The following RAPGEF2 variants were observed in gnomAD, a reference collection of about 807,000 sequenced individuals.
The protein encoded by RAPGEF2 is Rap guanine nucleotide exchange factor 2.
RAPGEF2 carries 54 observed loss-of-function variants against 186.7 expected under a neutral mutation model. That is an observed-to-expected ratio of 0.29 (90% CI 0.23 to 0.36). The LOEUF (loss-of-function observed/expected upper bound fraction) is 0.36. Among genes scored for constraint, RAPGEF2 ranks in the 10% least tolerant of loss-of-function variants. The probability of loss-of-function intolerance (pLI) is 1.00; values close to 1 mark genes in which losing one functional copy is unlikely to be tolerated. For missense variants in RAPGEF2, 1,532 were observed against 2,045.0 expected (o/e 0.75, Z 4.84); for synonymous variants, 712 against 705.9 (o/e 1.01, Z -0.14).
At chr4:159,314,468 A>T in intron 8 of RAPGEF2, 123 bp from the exon 9 acceptor site, 1 of 870,824 alleles carries the variant, frequency 1.1e-6, no homozygotes, top group Non-Finnish European at 1.6e-6. Context: ...GTGCATACAT[A>T]GTTGTTGGAT....
chr4:159,287,926 T>C (rs1450316428), intron 7 of RAPGEF2, among the ~76,000 whole-genome samples: 1 of 152,210 alleles, frequency 6.6e-6, no homozygotes, highest in Non-Finnish European at 1.5e-5. Flanking sequence ...TTGTGCTTTA[T>C]ACAAAAACTT....
intron 11 of RAPGEF2, among the ~76,000 whole-genome samples, chr4:159,326,176 G>A (rs1332694890): frequency 2.0e-5 from 3 of 152,170 alleles, no homozygotes; most frequent in African/African-American, 4.8e-5. Flanking sequence ...GCATTTTAAT[G>A]TAAGTACTTG....
Position 159,103,276 on chromosome 4 carries a change from A to G in RAPGEF2, c.-887A>G, listed in dbSNP as rs1737384523. 6.6e-6 allele frequency: 1 copy of G among 152,102 alleles called. No individual in the cohort carries two copies. Among genetic ancestry groups the G allele is most frequent in the Non-Finnish European group, 1.5e-5 (1 of 67,904 alleles). 9.4% of individuals were successfully genotyped at this position (152,102 alleles called of 1,614,324 possible). A position where few individuals can be genotyped will look rare whatever the true frequency, so the allele number is the denominator to read the frequency against. ...CTTCCCCCTCCTCCGCCCCGCGCAGACGAGGAACAAAGTTGCCGAGAGCGA... is the reference window on the plus strand; with the variant it reads ...CTTCCCCCTCCTCCGCCCCGCGCAGGCGAGGAACAAAGTTGCCGAGAGCGA... On this transcript the variant is annotated 5_prime_UTR_variant, in exon 1 of 30. Transcript: ENST00000691494.
At chr4:159,185,746 T>G (rs1747491325) in intron 1 of RAPGEF2, among the ~76,000 whole-genome samples, 1 of 152,154 alleles carries the variant, frequency 6.6e-6, no homozygotes, top group South Asian at 2.1e-4. Context: ...ATTAGTGAGA[T>G]AGATTGTACA....
rs759046245 is a variant in RAPGEF2 at position 159,163,430 on chromosome 4, TG to T, written c.70-23211del. 2.4e-4 allele frequency among the ~76,000 whole-genome samples: 36 copies of T among 152,330 alleles called. No homozygotes were observed. In the Middle Eastern group the frequency reaches 0.01, roughly 43 times the overall value. ...GCTTTTCTGGGGTGGTAAAAATGGT[TG>T]TTTATACTGATAGAATAAAGCAAAT... On this transcript the variant is annotated intron_variant, in intron 1 of 29. Coordinates refer to ENST00000691494, the MANE Select transcript of RAPGEF2 (RefSeq NM_001394067.2).
chr4:159,117,941 C>T lies in RAPGEF2; in HGVS notation c.69+13710C>T, dbSNP rs1472188484. 3.3e-5 allele frequency among the ~76,000 whole-genome samples: 5 copies of T among 152,030 alleles called. No individual in the cohort carries two copies. The East Asian group carries it at 9.6e-4, about 29-fold the overall frequency. ...GTCATAGTTTCAGAATAAACAAATA[C>T]AGCTTTGTTTTGCTATATTATGTTT... is the stretch of plus-strand genomic sequence containing the variant. On this transcript the variant is annotated intron_variant, in intron 1 of 29. Transcript: ENST00000691494.
At chr4:159,305,139 A>T (rs1295760345) in intron 8 of RAPGEF2, among the ~76,000 whole-genome samples, 1 of 152,216 alleles carries the variant, frequency 6.6e-6, no homozygotes, top group African/African-American at 2.4e-5. Flanking sequence ...TGCAATAAAC[A>T]TACAGGTGCA....
At chr4:159,305,362 A>G (rs560541108) in intron 8 of RAPGEF2, among the ~76,000 whole-genome samples, 1 of 152,194 alleles carries the variant, frequency 6.6e-6, no homozygotes, top group East Asian at 1.9e-4. Context: ...TGTCTTTTTC[A>G]TGACAGCCAT....
intron 4 of RAPGEF2, among the ~76,000 whole-genome samples, chr4:159,223,498 G>T (rs1751729507): frequency 6.6e-6 from 1 of 152,090 alleles, no homozygotes; most frequent in African/African-American, 2.4e-5. Context: ...GAGGGCAATG[G>T]TTAAAATTTG....
chr4:159,267,372 G>A, intron 7 of RAPGEF2: 2 of 1,246,650 alleles, frequency 1.6e-6, no homozygotes, highest in East Asian at 1.1e-4. Context: ...TTGAGATTGT[G>A]TGTGTGCATG....
intron 7 of RAPGEF2, among the ~76,000 whole-genome samples, chr4:159,298,665 TTA>T (rs1762301591): frequency 1.3e-5 from 2 of 152,192 alleles, no homozygotes; most frequent in Non-Finnish European, 2.9e-5. Flanking sequence ...TGAATGGCTT[TTA>T]AAATAACTTG....
At chr4:159,181,627 G>A (rs554183867) in intron 1 of RAPGEF2, among the ~76,000 whole-genome samples, 2 of 147,108 alleles carry the variant, frequency 1.4e-5, no homozygotes, top group East Asian at 4.0e-4. Flanking sequence ...TGCCAGGCTG[G>A]AGTGCAGTGG....
rs575327085 is a variant in RAPGEF2, at chr4:159,224,024, G to A, written c.281+13441G>A. On this transcript the variant is annotated intron_variant, in intron 4 of 29. Coordinates refer to ENST00000691494, the MANE Select transcript of RAPGEF2 (RefSeq NM_001394067.2). ...AGTGATTCTTGTGCCTCGGCCTCCTGAGTAGCTGGAATTACGGTCATGTGC... is the reference window on the plus strand; with the variant it reads ...AGTGATTCTTGTGCCTCGGCCTCCTAAGTAGCTGGAATTACGGTCATGTGC... 1.4e-4 allele frequency among the ~76,000 whole-genome samples: 21 copies of A among 151,882 alleles called. 1 individual carries two copies. Among genetic ancestry groups the A allele is most frequent in the Non-Finnish European group, 1.9e-4 (13 of 68,008 alleles).
intron 11 of RAPGEF2, 42 bp downstream of exon 11, chr4:159,323,659 A>T (rs757000668): frequency 1.7e-6 from 2 of 1,192,074 alleles, no homozygotes; most frequent in Non-Finnish European, 2.2e-6. Flanking sequence ...TATTCTTAAT[A>T]AAGAACACTT....
At chr4:159,193,465 ATC>A (rs1169946295) in intron 3 of RAPGEF2, among the ~76,000 whole-genome samples, 3 of 152,194 alleles carry the variant, frequency 2.0e-5, no homozygotes, top group African/African-American at 4.8e-5. Flanking sequence ...CTATATTTGT[ATC>A]TCTCACATGT....
chr4:159,112,282 TATAA>T, intron 1 of RAPGEF2, among the ~76,000 whole-genome samples: 1 of 152,278 alleles, frequency 6.6e-6, no homozygotes, highest in East Asian at 1.9e-4. Flanking sequence ...TGATAATGCG[TATAA>T]ATATAGAGCA....
At chr4:159,284,547 G>C (rs1760193356) in intron 7 of RAPGEF2, among the ~76,000 whole-genome samples, 1 of 150,690 alleles carries the variant, frequency 6.6e-6, no homozygotes, top group Admixed American at 6.6e-5. Context: ...AATTGTAAAT[G>C]AAACAGTGCC....
At chr4:159,165,592 T>C (rs745677127) in intron 1 of RAPGEF2, among the ~76,000 whole-genome samples, 5 of 152,208 alleles carry the variant, frequency 3.3e-5, no homozygotes, top group Non-Finnish European at 7.3e-5. Context: ...TGTTGGATAC[T>C]GGACATCAGA....
intron 1 of RAPGEF2, among the ~76,000 whole-genome samples, chr4:159,169,175 G>A (rs1745638062): frequency 8.0e-6 from 1 of 124,608 alleles, no homozygotes; most frequent in Admixed American, 7.8e-5. Flanking sequence ...AACAGATTTT[G>A]GAACCCCCCT....
Sources: gnomAD v4.1 joint callset for allele counts (sites outside exome capture counted in the v4.1 genomes callset) on GRCh38, gnomAD v4.1.1 for gene constraint, MANE v1.5 for transcripts, NCBI Gene and HGNC (gene_info 2026-07-23, HGNC 2026-07-21) for gene names.